GRM5: variants seen among roughly 807,000 people sequenced by gnomAD.
GRM5 encodes glutamate metabotropic receptor 5.
In GRM5, 19 loss-of-function variants were observed where a neutral mutation model predicts 83.1. That is an observed-to-expected ratio of 0.23 (90% confidence interval 0.16 to 0.34). The LOEUF is 0.34. Among genes scored for constraint, GRM5 ranks in the 10% least tolerant of loss-of-function variants. The pLI, the probability that GRM5 is intolerant of heterozygous loss-of-function variation, is 1.00. For synonymous variants in GRM5, 675 were observed against 633.6 expected (o/e 1.07, Z -0.98); for missense variants, 1,160 against 1,588.3 (o/e 0.73, Z 4.58).
chr11:88,969,075 A>C (rs1399557285), intron 2 of GRM5, among the ~76,000 whole-genome samples: 1 of 152,124 alleles, frequency 6.6e-6, no homozygotes, highest in Non-Finnish European at 1.5e-5. Context: ...GAGCAATAGC[A>C]ATGAATACAG....
chr11:88,539,730 A>G (rs1339883116), intron 8 of GRM5, among the ~76,000 whole-genome samples: 1 of 152,090 alleles, frequency 6.6e-6, no homozygotes, highest in Non-Finnish European at 1.5e-5. Flanking sequence ...CTCCATCTGG[A>G]CCTACTTCCA....
intron 3 of GRM5, among the ~76,000 whole-genome samples, chr11:88,692,027 G>T (rs942508566): frequency 2.0e-5 from 3 of 152,150 alleles, no homozygotes; most frequent in Non-Finnish European, 2.9e-5. Flanking sequence ...TCTCTCCAGA[G>T]AAATATTCTG....
At chr11:88,755,022 C>A (rs1470103933) in intron 3 of GRM5, among the ~76,000 whole-genome samples, 1 of 152,152 alleles carries the variant, frequency 6.6e-6, no homozygotes, top group Non-Finnish European at 1.5e-5. Context: ...TCCCCACTTT[C>A]TCTACAGAAT....
chr11:88,946,436 A>G (rs953662778), intron 2 of GRM5, among the ~76,000 whole-genome samples: 1 of 152,134 alleles, frequency 6.6e-6, no homozygotes. Flanking sequence ...ATGCACTTGA[A>G]TGTTCTTTGC....
At chr11:88,647,940 A>C (rs1201213203) in intron 4 of GRM5, among the ~76,000 whole-genome samples, 1 of 150,376 alleles carries the variant, frequency 6.6e-6, no homozygotes, top group Non-Finnish European at 1.5e-5. Context: ...AATGCAAATC[A>C]AAACCACAAT....
chr11:88,524,986 T>C (rs1941830935), intron 9 of GRM5, among the ~76,000 whole-genome samples: 1 of 152,178 alleles, frequency 6.6e-6, no homozygotes, highest in South Asian at 2.1e-4. Flanking sequence ...TTTCCTCCAA[T>C]CTCTTCCACT....
intron 3 of GRM5, among the ~76,000 whole-genome samples, chr11:88,845,942 T>C (rs1944297742): frequency 6.6e-6 from 1 of 152,224 alleles, no homozygotes; most frequent in Admixed American, 6.5e-5. Flanking sequence ...CTATCATAGT[T>C]TGACTAGAAA....
At chr11:88,595,513 T>C (rs1937775356) in intron 6 of GRM5, among the ~76,000 whole-genome samples, 1 of 152,222 alleles carries the variant, frequency 6.6e-6, no homozygotes, top group African/African-American at 2.4e-5. Context: ...TAATTTTCTG[T>C]CCTTGGCTTA....
chr11:88,978,193 T>C (rs1461673753), intron 2 of GRM5, among the ~76,000 whole-genome samples: 2 of 152,094 alleles, frequency 1.3e-5, no homozygotes, highest in African/African-American at 2.4e-5. Context: ...ATTTAAACAC[T>C]TGCAAAGAGG....
At chr11:88,756,599 C>A (rs1942398089) in intron 3 of GRM5, among the ~76,000 whole-genome samples, 1 of 152,116 alleles carries the variant, frequency 6.6e-6, no homozygotes, top group Non-Finnish European at 1.5e-5. Flanking sequence ...AATTATATAG[C>A]AACTATGTTA....
chr11:88,848,627 T>C (rs1006368058), intron 3 of GRM5, among the ~76,000 whole-genome samples: 4 of 152,220 alleles, frequency 2.6e-5, no homozygotes, highest in African/African-American at 9.6e-5. Context: ...GCAGCTTCCC[T>C]ACCACTTATA....
intron 1 of GRM5, among the ~76,000 whole-genome samples, chr11:89,048,522 T>A (rs1941690490): frequency 6.6e-6 from 1 of 152,246 alleles, no homozygotes; most frequent in African/African-American, 2.4e-5. Context: ...TTGAAATCTT[T>A]AGCCTTGAGC....
chr11:88,751,160 C>T (rs1258943150), intron 3 of GRM5, among the ~76,000 whole-genome samples: 1 of 128,508 alleles, frequency 7.8e-6, no homozygotes, highest in African/African-American at 3.0e-5. Flanking sequence ...AAGAAATGAA[C>T]AAATCCAGGA....
intron 3 of GRM5, among the ~76,000 whole-genome samples, chr11:88,778,318 G>T (rs1284802413): frequency 6.6e-6 from 1 of 152,234 alleles, no homozygotes; most frequent in Non-Finnish European, 1.5e-5. Context: ...GAAAAGCACA[G>T]TATTTTGGCA....
At chr11:89,045,477 T>G (rs1162439393) in intron 2 of GRM5, among the ~76,000 whole-genome samples, 1 of 152,164 alleles carries the variant, frequency 6.6e-6, no homozygotes, top group Admixed American at 6.5e-5. Flanking sequence ...GCCCCTTGTT[T>G]TATTCACCTA....
intron 3 of GRM5, among the ~76,000 whole-genome samples, chr11:88,719,909 T>C (rs7115277): frequency 0.71 from 108,403 of 151,928 alleles, 39,609 homozygotes; most frequent in South Asian, 0.89. Context: ...TTTAATAGGG[T>C]TGTTTGTCTT....
Position 88,836,769 on chromosome 11 carries a change from T to G in GRM5, c.911+13137A>C, listed in dbSNP as rs186597738. Among the ~76,000 whole-genome samples, 351 of 152,126 alleles carry G rather than the reference T, an allele frequency of 2.3e-3. 2 individuals are homozygous for G. Among genetic ancestry groups the G allele is most frequent in the African/African-American group, 7.6e-3 (316 of 41,492 alleles). ...GACATACCGCCACTGCACTCCAGCTTGGGTGATAGAGTGAGTGAGATTCTG... is the reference window on the plus strand; with the variant it reads ...GACATACCGCCACTGCACTCCAGCTGGGGTGATAGAGTGAGTGAGATTCTG... On this transcript the variant is annotated intron_variant, in intron 3 of 9. Coordinates refer to ENST00000305447, the MANE Select transcript of GRM5 (RefSeq NM_001143831.3).
intron 3 of GRM5, among the ~76,000 whole-genome samples, chr11:88,680,109 C>A (rs1368532611): frequency 1.3e-5 from 2 of 152,100 alleles, no homozygotes; most frequent in Non-Finnish European, 2.9e-5. Context: ...ACTTTAAGTT[C>A]TAGGGTACAT....
intron 3 of GRM5, among the ~76,000 whole-genome samples, chr11:88,843,213 A>T (rs1944234853): frequency 6.6e-6 from 1 of 152,138 alleles, no homozygotes; most frequent in Non-Finnish European, 1.5e-5. Flanking sequence ...CAATATTTCA[A>T]ACTTTTTCAT....
Sources: gnomAD v4.1 joint callset for allele counts (sites outside exome capture counted in the v4.1 genomes callset) on GRCh38, gnomAD v4.1.1 for gene constraint, MANE v1.5 for transcripts, NCBI Gene and HGNC (gene_info 2026-07-23, HGNC 2026-07-21) for gene names.